Variants in ATP13A3 observed in about 807,000 individuals in gnomAD.
ATP13A3 encodes the protein ATPase 13A3.
Under a neutral mutation model 158.1 loss-of-function variants are expected in ATP13A3, and 59 were observed. That is an observed-to-expected ratio of 0.37 (90% confidence interval 0.30 to 0.46). The LOEUF is 0.46. Ranked by LOEUF, ATP13A3 falls within the 20% of genes least tolerant of loss-of-function variation. The pLI, the probability that ATP13A3 is intolerant of heterozygous loss-of-function variation, is 1.00. For missense variants in ATP13A3, 1,166 were observed against 1,525.2 expected, an observed-to-expected ratio of 0.76 and a Z score of 3.92; for synonymous variants, 491 against 504.3, an observed-to-expected ratio of 0.97 and a Z score of 0.35.
chr3:194,466,893 A>G (rs893843427), intron 2 of ATP13A3, among the ~76,000 whole-genome samples: 1 of 152,260 alleles, frequency 6.6e-6, no homozygotes, highest in Admixed American at 6.5e-5. Context: ...GAAAACTTTC[A>G]GAAGACATTT....
chr3:194,453,867 A>C, intron 9 of ATP13A3, 89 bp from the exon 10 acceptor site: 1 of 906,870 alleles, frequency 1.1e-6, no homozygotes, highest in Non-Finnish European at 1.8e-6. Context: ...AAGTTAATTC[A>C]ATAAATGCAT....
At chr3:194,460,887 G>A (rs1165269191) in intron 3 of ATP13A3, 56 bp from the exon 4 acceptor site, 3 of 1,525,912 alleles carry the variant, frequency 2.0e-6, no homozygotes, top group South Asian at 1.2e-5. Context: ...TGATATGGCA[G>A]AGAAACACAT....
At chr3:194,438,665 G>C (rs1351515672) in intron 17 of ATP13A3, among the ~76,000 whole-genome samples, 191 bp downstream of exon 17, 1 of 152,052 alleles carries the variant, frequency 6.6e-6, no homozygotes, top group African/African-American at 2.4e-5. Context: ...GGCTGGGGGT[G>C]GTGGCTCACA....
chr3:194,422,379 C>T (rs1018637224), intron 30 of ATP13A3, among the ~76,000 whole-genome samples: 5 of 152,194 alleles, frequency 3.3e-5, no homozygotes, highest in African/African-American at 1.2e-4. Flanking sequence ...CAGAAGACAG[C>T]TATCAAAACA....
chr3:194,468,401 A>AAC (rs1257798732), intron 2 of ATP13A3, among the ~76,000 whole-genome samples: 3 of 149,940 alleles, frequency 2.0e-5, no homozygotes, highest in African/African-American at 7.6e-5. Flanking sequence ...AAAAAAAAAA[A>AAC]AAAACAGTAT....
intron 2 of ATP13A3, among the ~76,000 whole-genome samples, chr3:194,463,583 C>T (rs1295092740): frequency 6.6e-6 from 1 of 152,164 alleles, no homozygotes; most frequent in African/African-American, 2.4e-5. Flanking sequence ...CACTGCTTTA[C>T]ATGAGGCTGA....
intron 30 of ATP13A3, among the ~76,000 whole-genome samples, chr3:194,420,893 A>T (rs933581871): frequency 6.6e-6 from 1 of 151,138 alleles, no homozygotes; most frequent in Non-Finnish European, 1.5e-5. Context: ...AAACTTTACT[A>T]AGACCACATA....
intron 22 of ATP13A3, 42 bp downstream of exon 22, chr3:194,431,675 A>C: frequency 2.8e-6 from 4 of 1,450,964 alleles, no homozygotes; most frequent in Non-Finnish European, 3.6e-6. Flanking sequence ...GACTAAATTT[A>C]AATCAACAAA....
chr3:194,473,157 T>G (rs750428701), intron 2 of ATP13A3, among the ~76,000 whole-genome samples: 15 of 152,164 alleles, frequency 9.9e-5, no homozygotes, highest in Non-Finnish European at 1.9e-4. Flanking sequence ...AGTTGAAATT[T>G]CAATGAGAAA....
chr3:194,444,682 TTAAAAA>T (rs1161461592), intron 15 of ATP13A3, 37 bp downstream of exon 15: 8 of 1,495,780 alleles, frequency 5.3e-6, no homozygotes, highest in Non-Finnish European at 7.3e-6. Context: ...TGTTAAAATA[TTAAAAA>T]TAAACTAATA....
chr3:194,441,269 T>C, intron 16 of ATP13A3, 42 bp downstream of exon 16: 1 of 1,498,844 alleles, frequency 6.7e-7, no homozygotes, highest in South Asian at 1.2e-5. Flanking sequence ...TTTTAACTAT[T>C]ATTTTCCTAA....
At chr3:194,412,053 G>C (rs980377092) in intron 33 of ATP13A3, 146 bp downstream of exon 33, 4 of 594,486 alleles carry the variant, frequency 6.7e-6, no homozygotes, top group Non-Finnish European at 8.5e-6. Context: ...CAAGCACAGA[G>C]AAAAAGGCTG....
At chr3:194,424,691 G>A (rs1716629780) in intron 30 of ATP13A3, among the ~76,000 whole-genome samples, 2 of 152,116 alleles carry the variant, frequency 1.3e-5, no homozygotes, top group Non-Finnish European at 2.9e-5. Context: ...CAATTTATAT[G>A]TAGTAACTGA....
At chr3:194,417,962 A>C (rs937751337) in intron 31 of ATP13A3, among the ~76,000 whole-genome samples, 18 of 74,062 alleles carry the variant, frequency 2.4e-4, no homozygotes, top group South Asian at 1.3e-3. Flanking sequence ...GACGGACGGA[A>C]GGAAGGAAGG....
intron 33 of ATP13A3, among the ~76,000 whole-genome samples, chr3:194,407,374 G>C (rs1715011403): frequency 6.6e-6 from 1 of 152,178 alleles, no homozygotes; most frequent in African/African-American, 2.4e-5. Flanking sequence ...ATTTAAAAAG[G>C]CAAGTTAGCT....
chr3:194,409,171 G>A (rs1006574777), intron 33 of ATP13A3, among the ~76,000 whole-genome samples: 2 of 152,264 alleles, frequency 1.3e-5, no homozygotes, highest in South Asian at 2.1e-4. Context: ...TCAAGTTTAC[G>A]CTTAGCAATG....
At chr3:194,483,515 A>C (rs1977784) in intron 2 of ATP13A3, among the ~76,000 whole-genome samples, 21,600 of 151,460 alleles carry the variant, frequency 0.14, 1,638 homozygotes, top group South Asian at 0.27. Context: ...GCTTGAGCCC[A>C]GAAGGTCAAG....
rs1229135746 is a variant in ATP13A3, at chr3:194,438,988, A to G, written c.1711-16T>C. ...CTTCCAGAATCTGGAAAAAAAAAAG[A>G]GACAAAAAAAAACAAAAACACAACA... On this transcript the variant is annotated splice_polypyrimidine_tract_variant and intron_variant, in intron 16 of 33. Coordinates refer to ENST00000645319, the MANE Select transcript of ATP13A3 (RefSeq NM_001367549.1). 1.3e-6 allele frequency: 2 copies of G among 1,491,828 alleles called. No homozygotes were observed. 92.4% of individuals were successfully genotyped at this position (1,491,828 alleles called of 1,614,324 possible).
chr3:194,489,442 TA>T (rs5855585), upstream of ATP13A3, among the ~76,000 whole-genome samples: 60 of 147,892 alleles, frequency 4.1e-4, no homozygotes, highest in East Asian at 1.6e-3. The surrounding 1 kb of genome is among the most constrained non-coding windows in gnomAD (Gnocchi z 4.1). Flanking sequence ...AAACTCCATC[TA>T]AAAAAAAAAA....
Sources: gnomAD v4.1 joint callset for allele counts (sites outside exome capture counted in the v4.1 genomes callset) on GRCh38, gnomAD v4.1.1 for gene constraint, Gnocchi (gnomAD v3.1) non-coding constraint, MANE v1.5 for transcripts, NCBI Gene and HGNC (gene_info 2026-07-23, HGNC 2026-07-21) for gene names.